DCAF6: variants seen among roughly 807,000 people sequenced by gnomAD.
The protein encoded by DCAF6 is DDB1 and CUL4 associated factor 6.
In DCAF6, 54 loss-of-function variants were observed where a neutral mutation model predicts 125.1. That is an observed-to-expected ratio of 0.43 (90% CI 0.35 to 0.54). The LOEUF (loss-of-function observed/expected upper bound fraction) is 0.54. Among genes scored for constraint, DCAF6 ranks in the 20% least tolerant of loss-of-function variants. The probability of loss-of-function intolerance (pLI) is 0.01; values close to 1 mark genes in which losing one functional copy is unlikely to be tolerated. For missense variants in DCAF6, 934 were observed against 1,161.7 expected (o/e 0.80, Z 2.85); for synonymous variants, 371 against 390.4 (o/e 0.95, Z 0.58).
chr1:167,883,639 G>C, the DCAF6 span: 1 of 1,614,152 alleles, frequency 6.2e-7, no homozygotes, highest in Non-Finnish European at 8.5e-7. Flanking sequence ...CTGCAAAGTA[G>C]AGAGCAGCTT....
At chr1:167,879,888 C>T in the DCAF6 span, among the ~76,000 whole-genome samples, 1 of 152,258 alleles carries the variant, frequency 6.6e-6, no homozygotes. Context: ...ATATAGCCTC[C>T]CACTGCTCCC....
At chr1:168,017,332 A>AT (rs1685117801) in intron 11 of DCAF6, among the ~76,000 whole-genome samples, 1 of 152,062 alleles carries the variant, frequency 6.6e-6, no homozygotes, top group Admixed American at 6.6e-5. Context: ...CCCTACGTAT[A>AT]TAATTATTTT....
intron 7 of DCAF6, among the ~76,000 whole-genome samples, chr1:167,997,605 G>C (rs1052468435): frequency 1.3e-5 from 2 of 151,664 alleles, no homozygotes; most frequent in African/African-American, 4.9e-5. Context: ...TCACTGTTAA[G>C]TGTCACCAAG....
chr1:168,007,887 T>C (rs1391525823), intron 10 of DCAF6, among the ~76,000 whole-genome samples: 2 of 150,682 alleles, frequency 1.3e-5, no homozygotes, highest in Admixed American at 6.6e-5. Flanking sequence ...TCTGATCTTC[T>C]ACCCTGAATT....
intron 3 of DCAF6, among the ~76,000 whole-genome samples, chr1:167,968,271 C>T (rs73026124): frequency 0.1 from 15,146 of 152,104 alleles, 837 homozygotes; most frequent in African/African-American, 0.13. Flanking sequence ...AAAAAGGTCT[C>T]TATAAAATAC....
intron 7 of DCAF6, among the ~76,000 whole-genome samples, chr1:168,001,464 G>A (rs1195426647): frequency 6.6e-6 from 1 of 152,094 alleles, no homozygotes; most frequent in African/African-American, 2.4e-5. Flanking sequence ...TCATTCACTG[G>A]TGACTGGTGA....
intron 2 of DCAF6, among the ~76,000 whole-genome samples, chr1:167,965,914 C>T (rs1250998752): frequency 1.3e-5 from 2 of 152,158 alleles, no homozygotes; most frequent in Admixed American, 6.5e-5. Context: ...GGATTATAGA[C>T]GTGAGCCACC....
upstream of DCAF6, chr1:167,935,811 C>T (rs761366753): frequency 6.4e-7 from 1 of 1,556,080 alleles, no homozygotes; most frequent in Non-Finnish European, 8.7e-7. Context: ...TGGTAGGTGG[C>T]CCGCAGGCCT....
Position 167,936,748 on chromosome 1 carries a change from C to T in DCAF6, c.-164C>T. 1 of 624,050 alleles carries T rather than the reference C, an allele frequency of 1.6e-6. No homozygotes were observed. The highest frequency in any genetic ancestry group is 3.0e-5 in the Admixed American group (1 of 33,818). The allele number at this position is 624,050 out of a possible 1,614,324, so 38.7% of individuals were successfully genotyped here. A position where few individuals can be genotyped will look rare whatever the true frequency, so the allele number is the denominator to read the frequency against. On this transcript the variant is annotated 5_prime_UTR_variant, in exon 1 of 22. Transcript: ENST00000367840. ...CTCCGGCCCGGGTGCGGCCGGGCTT[C>T]AGGGGCCCAGGCGCCGCTGCTGCCA... is the stretch of plus-strand genomic sequence containing the variant.
chr1:168,016,580 G>A (rs1055413178), intron 11 of DCAF6, among the ~76,000 whole-genome samples: 20 of 151,984 alleles, frequency 1.3e-4, no homozygotes, highest in African/African-American at 4.8e-4. Context: ...AGTAAAAATT[G>A]TCACTCTTTT....
At chr1:168,026,634 G>A (rs1361699491) in intron 12 of DCAF6, among the ~76,000 whole-genome samples, 2 of 152,076 alleles carry the variant, frequency 1.3e-5, no homozygotes, top group Non-Finnish European at 2.9e-5. Flanking sequence ...TCTTGATAGG[G>A]TGATAATGAA....
chr1:168,069,051 G>C (rs1692721261), intron 21 of DCAF6, among the ~76,000 whole-genome samples: 2 of 152,016 alleles, frequency 1.3e-5, no homozygotes, highest in African/African-American at 4.8e-5. Flanking sequence ...CATACGTTTG[G>C]TATTAGCTAT....
the DCAF6 span, among the ~76,000 whole-genome samples, chr1:167,906,839 C>T: frequency 2.0e-5 from 3 of 151,680 alleles, no homozygotes; most frequent in Admixed American, 6.6e-5. Context: ...AATTGAATGT[C>T]GAGAATGAAA....
the DCAF6 span, among the ~76,000 whole-genome samples, chr1:167,888,893 A>AAAAAAAG: frequency 6.6e-6 from 1 of 151,406 alleles, no homozygotes; most frequent in African/African-American, 2.4e-5. Context: ...AAAAAAAAGA[A>AAAAAAAG]AAAGAAAGAA....
the DCAF6 span, chr1:167,902,150 G>A: frequency 8.3e-7 from 1 of 1,200,160 alleles, no homozygotes; most frequent in South Asian, 1.2e-5. Context: ...TAGGTCAAAA[G>A]AACAGTGATT....
At chr1:168,023,247 A>G in intron 12 of DCAF6, 200 bp downstream of exon 12, 1 of 585,604 alleles carries the variant, frequency 1.7e-6, no homozygotes. Flanking sequence ...ATGTAAGCTC[A>G]TTTCTCACTT....
intron 2 of DCAF6, among the ~76,000 whole-genome samples, chr1:167,953,635 C>T (rs967035354): frequency 6.6e-6 from 1 of 152,172 alleles, no homozygotes; most frequent in East Asian, 1.9e-4. Context: ...GGGTCTTGCT[C>T]TGTCACCAAG....
intron 7 of DCAF6, among the ~76,000 whole-genome samples, chr1:167,994,149 G>A (rs930429037): frequency 6.6e-6 from 1 of 151,720 alleles, no homozygotes; most frequent in Non-Finnish European, 1.5e-5. Context: ...TTTATTATTG[G>A]TATTCTAAAT....
At chr1:167,945,793 C>T (rs1461784144) in intron 1 of DCAF6, among the ~76,000 whole-genome samples, 1 of 150,574 alleles carries the variant, frequency 6.6e-6, no homozygotes, top group Non-Finnish European at 1.5e-5. Flanking sequence ...AGCCACCACA[C>T]CCGGCCTTTT....
Sources: gnomAD v4.1 joint callset for allele counts (sites outside exome capture counted in the v4.1 genomes callset) on GRCh38, gnomAD v4.1.1 for gene constraint, MANE v1.5 for transcripts, NCBI Gene and HGNC (gene_info 2026-07-23, HGNC 2026-07-21) for gene names.